The following MTMR9 variants were observed in gnomAD, a reference collection of about 807,000 sequenced individuals.
The protein encoded by MTMR9 is myotubularin-related protein 9.
A neutral mutation model predicts 69.5 loss-of-function variants in MTMR9; 39 were observed. That is an observed-to-expected ratio of 0.56 (90% CI 0.43 to 0.73). The LOEUF is 0.73. Ranked by LOEUF, MTMR9 falls within the 30% of genes least tolerant of loss-of-function variation. The pLI, the probability that MTMR9 is intolerant of heterozygous loss-of-function variation, is 0.00. For synonymous variants in MTMR9, 354 were observed against 240.8 expected (o/e 1.47, Z -4.35); for missense variants, 900 against 671.2 (o/e 1.34, Z -3.77).
In MTMR9 at chr8:11,324,606, T is replaced by C. The variant is rs1585141067; in HGVS notation, c.*1818T>C. 6.6e-6 allele frequency: 1 copy of C among 152,288 alleles called. No homozygotes were observed. Among genetic ancestry groups the C allele is most frequent in the African/African-American group, 2.4e-5 (1 of 41,558 alleles). The allele number at this position is 152,288 out of a possible 1,614,324, so 9.4% of individuals were successfully genotyped here. On this transcript the variant is annotated 3_prime_UTR_variant, in exon 10 of 10. Transcript: ENST00000221086. ...AATACAGCTGAGCTTTTTGTTTTCT[T>C]CTCTTTTTGTCTCAAGATTGTATAT... is the stretch of plus-strand genomic sequence containing the variant.
rs147501616 is a variant in MTMR9 at position 11,298,720 on chromosome 8, A to ACCCCG, written c.292-1299_292-1298insGCCCC. 1.6e-4 allele frequency: 120 copies of ACCCCG among 728,012 alleles called. No homozygotes were observed. The African/African-American group carries it at 2.3e-3, about 14-fold the overall frequency. The allele number at this position is 728,012 out of a possible 1,614,324, so 45.1% of individuals were successfully genotyped here. A position where few individuals can be genotyped will look rare whatever the true frequency, so the allele number is the denominator to read the frequency against. The stretch of plus-strand genomic sequence containing the variant: ...TGATATGGTATCCTTTCCCCGCTGC[A>ACCCCG]CCCCCCCCCCGCCATCCAGTATAGA... On this transcript the variant is annotated intron_variant, in intron 2 of 9. Coordinates refer to ENST00000221086, the MANE Select transcript of MTMR9 (RefSeq NM_015458.4).
intron 2 of MTMR9, among the ~76,000 whole-genome samples, chr8:11,296,183 CTTGTGACCATTGGT>C (rs1401297126): frequency 4.6e-5 from 7 of 152,048 alleles, no homozygotes; most frequent in African/African-American, 1.7e-4. Context: ...CACATGCTAG[CTTGTGACCATTGGT>C]AAAGTACTTA....
intron 9 of MTMR9, chr8:11,321,126 G>A (rs971173993): frequency 6.0e-6 from 1 of 166,790 alleles, no homozygotes; most frequent in Non-Finnish European, 1.3e-5. Flanking sequence ...TGCCATTAGT[G>A]GCTTCCTTCC....
chr8:11,302,283 CAAAA>C (rs60497555), intron 3 of MTMR9, among the ~76,000 whole-genome samples: 1 of 103,952 alleles, frequency 9.6e-6, no homozygotes, highest in Non-Finnish European at 1.9e-5. Context: ...AAGAGGAAGA[CAAAA>C]AAAAAAAAAA....
intron 1 of MTMR9, among the ~76,000 whole-genome samples, chr8:11,293,643 A>T (rs984399799): frequency 6.6e-5 from 10 of 152,050 alleles, no homozygotes; most frequent in African/African-American, 2.4e-4. Flanking sequence ...CTAAGGTCAC[A>T]AATATTTTCT....
chr8:11,303,870 T>G (rs1224433618), intron 3 of MTMR9, among the ~76,000 whole-genome samples: 1 of 152,194 alleles, frequency 6.6e-6, no homozygotes, highest in African/African-American at 2.4e-5. Context: ...CATAAATAAC[T>G]TTGAAAAGTG....
chr8:11,326,216 G>A lies in MTMR9; in HGVS notation c.*3428G>A, dbSNP rs1311208397. The A allele has an allele frequency of 5.3e-5, 8 of 151,928 alleles. No homozygotes were observed. The highest frequency in any genetic ancestry group is 1.9e-4 in the African/African-American group (8 of 41,416). The allele number at this position is 151,928 out of a possible 1,614,324, so 9.4% of individuals were successfully genotyped here. A position where few individuals can be genotyped will look rare whatever the true frequency, so the allele number is the denominator to read the frequency against. On this transcript the variant is annotated 3_prime_UTR_variant, in exon 10 of 10. Transcript: ENST00000221086. The stretch of plus-strand genomic sequence containing the variant: ...GTGTAGTTGTCTGGTTTCAGGGATA[G>A]CTGTTTGAATTGTCATTCTAAAGTA...
At chr8:11,319,215 A>C (rs1800557497) in intron 8 of MTMR9, 1 of 152,598 alleles carries the variant, frequency 6.6e-6, no homozygotes, top group African/African-American at 2.4e-5. Context: ...TCTGCACAAC[A>C]AGCCCTTTCT....
In MTMR9 at chr8:11,295,218, C is replaced by T. The variant is rs769348240; in HGVS notation, c.207C>T (p.Ile69=). The change falls in exon 2 of 10, where the codon ATC becomes ATT. Residue 69 remains isoleucine, a synonymous_variant. Transcript: ENST00000221086. The stretch of plus-strand genomic sequence containing the variant: ...GATTTGTAGGATCACTGGGTACCAT[C>T]ATCATAAAATGTAAAGATTTTCGAA... ...DKRFVGSLGT[I]IIKCKDFRII... 1 of 1,608,574 alleles carries T rather than the reference C, an allele frequency of 6.2e-7. No individual in the cohort carries two copies. Among genetic ancestry groups the T allele is most frequent in the East Asian group, 2.2e-5 (1 of 44,664 alleles).
At chr8:11,331,067 G>A, downstream of MTMR9, 2 of 1,556,450 alleles carry the variant, frequency 1.3e-6, no homozygotes, top group Non-Finnish European at 1.7e-6. Flanking sequence ...AGGGGCCCAG[G>A]CTCCCTGAGC....
rs202199266 is a variant in MTMR9, at chr8:11,322,804, C to T, written c.*16C>T. ...GAGTCCCTGAAAGGTCTCCTCGCAC[C>T]CTTCGCAAGGACCTTCTTGGGCCTG... On this transcript the variant is annotated 3_prime_UTR_variant, in exon 10 of 10. Coordinates refer to ENST00000221086, the MANE Select transcript of MTMR9 (RefSeq NM_015458.4). 1 of 1,605,602 alleles carries T rather than the reference C, an allele frequency of 6.2e-7. No individual in the cohort carries two copies. Among genetic ancestry groups the T allele is most frequent in the African/African-American group, 1.3e-5 (1 of 74,598 alleles).
intron 6 of MTMR9, among the ~76,000 whole-genome samples, chr8:11,311,099 G>C (rs535157259): frequency 4.5e-4 from 69 of 152,236 alleles, no homozygotes; most frequent in Admixed American, 6.5e-5. Flanking sequence ...ATTGAATTCA[G>C]AATATCCCAC....
intron 6 of MTMR9, 131 bp downstream of exon 6, chr8:11,309,819 C>G: frequency 1.1e-6 from 1 of 886,562 alleles, no homozygotes. Context: ...CAACACCATC[C>G]CATTATTGAT....
At position 11,324,033 on chromosome 8, in the gene MTMR9, A is replaced by G. The variant is rs1193036318; in HGVS notation, c.*1245A>G. 3 of 152,138 alleles carry G rather than the reference A, an allele frequency of 2.0e-5. No individual in the cohort carries two copies. Among genetic ancestry groups the G allele is most frequent in the Non-Finnish European group, 2.9e-5 (2 of 68,026 alleles). 9.4% of individuals were successfully genotyped at this position (152,138 alleles called of 1,614,324 possible). On this transcript the variant is annotated 3_prime_UTR_variant, in exon 10 of 10. Transcript: ENST00000221086. ...CCCACCTACATTTCTGTTTGGTGAC[A>G]TTGCTCATTTTAACAAATATGACCG... is the stretch of plus-strand genomic sequence containing the variant.
intron 4 of MTMR9, among the ~76,000 whole-genome samples, chr8:11,305,752 G>C (rs1799915849): frequency 6.6e-6 from 1 of 152,226 alleles, no homozygotes; most frequent in African/African-American, 2.4e-5. Context: ...AATGAGAACA[G>C]TGTTTGAACT....
intron 1 of MTMR9, among the ~76,000 whole-genome samples, chr8:11,288,127 C>T (rs1799247793): frequency 7.7e-6 from 1 of 129,684 alleles, no homozygotes; most frequent in African/African-American, 2.9e-5. Flanking sequence ...TAATTATTCA[C>T]CTAAATATTC....
At chr8:11,299,321 G>T (rs1044912030) in intron 2 of MTMR9, among the ~76,000 whole-genome samples, 11 of 152,158 alleles carry the variant, frequency 7.2e-5, no homozygotes, top group African/African-American at 2.7e-4. Context: ...GCAAAACTCT[G>T]TCTCAGAATA....
At chr8:11,299,184 G>C (rs1002909874) in intron 2 of MTMR9, among the ~76,000 whole-genome samples, 1 of 152,108 alleles carries the variant, frequency 6.6e-6, no homozygotes, top group African/African-American at 2.4e-5. Context: ...AAAAAAATTA[G>C]CTGGGTGTGG....
At position 11,323,461 on chromosome 8, in the gene MTMR9, G is replaced by A. The variant is rs190273266; in HGVS notation, c.*673G>A. On this transcript the variant is annotated 3_prime_UTR_variant, in exon 10 of 10. Coordinates refer to ENST00000221086, the MANE Select transcript of MTMR9 (RefSeq NM_015458.4). The stretch of plus-strand genomic sequence containing the variant: ...TAAGAAGAGTTAAATTTATTTTAAC[G>A]TAGACACTAAAAGTATGTGCAATAT... 5 of 152,336 alleles carry A rather than the reference G, an allele frequency of 3.3e-5. No homozygotes were observed. The highest frequency in any genetic ancestry group is 2.0e-4 in the Admixed American group (3 of 15,306). The allele number at this position is 152,336 out of a possible 1,614,324, so 9.4% of individuals were successfully genotyped here.
Sources: gnomAD v4.1 joint callset for allele counts (sites outside exome capture counted in the v4.1 genomes callset) on GRCh38, gnomAD v4.1.1 for gene constraint, MANE v1.5 for transcripts, NCBI Gene and HGNC (gene_info 2026-07-23, HGNC 2026-07-21) for gene names.